The following LCT variants were observed in gnomAD, a reference collection of about 807,000 sequenced individuals.
LCT encodes lactase, also known as lactase/phlorizin hydrolase.
LCT carries 90 observed loss-of-function variants against 173.0 expected under a neutral mutation model. The ratio of observed to expected loss-of-function variants is 0.52; its 90% CI spans 0.44 to 0.62. LCT has a LOEUF of 0.62. Among genes scored for constraint, LCT ranks in the 20% least tolerant of loss-of-function variants. LCT has a pLI of 0.00. For missense variants in LCT, 1,864 were observed against 2,431.4 expected (o/e 0.77, Z 4.91); for synonymous variants, 853 against 957.6 (o/e 0.89, Z 2.02).
At chr2:135,823,832 C>T (rs765916078) in intron 4 of LCT, 69 bp downstream of exon 4, 1 of 1,091,286 alleles carries the variant, frequency 9.2e-7, no homozygotes, top group Non-Finnish European at 1.4e-6. Flanking sequence ...CCCGGACTTT[C>T]AAGACTGCTA....
Position 135,807,315 on chromosome 2 carries a change from G to A in LCT, c.3986C>T (p.Thr1329Met), listed in dbSNP as rs555708380. Residue 1329 changes from threonine (T) to methionine (M), a missense_variant, in exon 9 of 17, where the codon ACG becomes ATG. Thr to Met is a moderately conservative substitution (Grantham distance 81, BLOSUM62 -1). Around this residue, in one of 4 missense-constraint regions of LCT, gnomAD observed 755 missense variants for 926.3 expected, o/e 0.82. Coordinates refer to ENST00000264162, the MANE Select transcript of LCT (RefSeq NM_002299.4). ...MDNFEWLNGY[T>M]VKFGLYHVDF... ...AACATGGTACAGTCCAAACTTGACC[G>A]TGTAGCCATTTAGCCACTCAAAGTT... is the stretch of plus-strand genomic sequence containing the variant. 3.3e-5 allele frequency: 54 copies of A among 1,614,114 alleles called. No individual in the cohort carries two copies. Among genetic ancestry groups the A allele is most frequent in the South Asian group, 1.2e-4 (11 of 91,082 alleles).
At position 135,808,649 on chromosome 2, in the gene LCT, G is replaced by T. The variant is rs199604102; in HGVS notation, c.3698C>A (p.Ala1233Asp). 3 of 1,614,212 alleles carry T rather than the reference G, an allele frequency of 1.9e-6. No individual in the cohort carries two copies. Residue 1233 changes from alanine to aspartate, a missense_variant, in exon 8 of 17, where the codon GCT becomes GAT. Around this residue, in one of 4 missense-constraint regions of LCT, gnomAD observed 755 missense variants for 926.3 expected, o/e 0.82. Transcript: ENST00000264162. ...AGGCCACGAAGGGTCCTCCTCCTCA[G>T]CCATCTCCTGGTCGTCTTCGTAGGA... ...PPSYEDDQEMAEEEDPSWPST... is the reference protein window; with the variant it reads ...PPSYEDDQEMDEEEDPSWPST...
intron 1 of LCT, among the ~76,000 whole-genome samples, chr2:135,833,441 C>CTTTTT (rs35636116): frequency 5.6e-5 from 3 of 53,936 alleles, no homozygotes; most frequent in African/African-American, 1.6e-4. Context: ...TCCTAAACTT[C>CTTTTT]TTTTTTTTTT....
chr2:135,805,255 T>C (rs988440714), intron 9 of LCT, among the ~76,000 whole-genome samples, 198 bp from the exon 10 acceptor site: 3 of 151,286 alleles, frequency 2.0e-5, no homozygotes, highest in Non-Finnish European at 4.4e-5. Flanking sequence ...AGCCCAGGAG[T>C]TCAAAACCAG....
At chr2:135,810,163 A>G in intron 7 of LCT, 170 bp from the exon 8 acceptor site, 1 of 610,170 alleles carries the variant, frequency 1.6e-6, no homozygotes, top group Non-Finnish European at 2.9e-6. Context: ...TTATTTATTT[A>G]TCTTTTAAAG....
At chr2:135,835,527 TA>T (rs2077981059) in intron 1 of LCT, among the ~76,000 whole-genome samples, 2 of 132,538 alleles carry the variant, frequency 1.5e-5, no homozygotes, top group African/African-American at 5.9e-5. Flanking sequence ...TATATATATA[TA>T]TATCAGGTAC....
intron 5 of LCT, chr2:135,821,665 T>C: frequency 7.0e-6 from 2 of 285,486 alleles, no homozygotes; most frequent in South Asian, 3.9e-5. Context: ...ATTTTTGTAA[T>C]TTTTTGTAGA....
chr2:135,835,389 T>A (rs1404318261), intron 1 of LCT, among the ~76,000 whole-genome samples: 1 of 150,050 alleles, frequency 6.7e-6, no homozygotes, highest in African/African-American at 2.4e-5. Flanking sequence ...CGTGCTGGGA[T>A]TATAGGCATG....
chr2:135,830,859 G>T (rs576405765), intron 2 of LCT, among the ~76,000 whole-genome samples: 1 of 152,318 alleles, frequency 6.6e-6, no homozygotes, highest in South Asian at 2.1e-4. Flanking sequence ...GGGGATGGTG[G>T]GTAGGGATTC....
chr2:135,789,545 T>C (rs2077518231), intron 16 of LCT, 26 bp downstream of exon 16: 1 of 1,567,746 alleles, frequency 6.4e-7, no homozygotes, highest in Admixed American at 1.7e-5. Context: ...CCTTAGGCTT[T>C]ATTCCCTCCC....
In LCT at chr2:135,804,851, T is replaced by A; in HGVS notation, c.4380A>T (p.Gly1460=). 1.2e-6 allele frequency: 2 copies of A among 1,614,042 alleles called. No homozygotes were observed. Among genetic ancestry groups the A allele is most frequent in the Non-Finnish European group, 1.7e-6 (2 of 1,179,944 alleles). ...SISWSRILPD[G]TTRYINEAGL... ...CCGCTTCATTGATGTACCTGGTGGT[T>A]CCATCAGGGAGGATGCGAGACCAGG... Residue 1460 remains glycine (G), a synonymous_variant, in exon 10 of 17, where the codon GGA becomes GGT. Coordinates refer to ENST00000264162, the MANE Select transcript of LCT (RefSeq NM_002299.4).
chr2:135,834,099 C>T (rs539350182), intron 1 of LCT, among the ~76,000 whole-genome samples: 3 of 152,300 alleles, frequency 2.0e-5, no homozygotes, highest in African/African-American at 7.2e-5. Flanking sequence ...TATGCCACGT[C>T]TCGTTTATCC....
intron 12 of LCT, among the ~76,000 whole-genome samples, chr2:135,798,693 A>T (rs1335886402): frequency 6.6e-6 from 1 of 152,184 alleles, no homozygotes; most frequent in African/African-American, 2.4e-5. Context: ...GGCCATCCTT[A>T]TCATGTGCGG....
intron 13 of LCT, among the ~76,000 whole-genome samples, chr2:135,796,234 C>G (rs1179782624): frequency 6.6e-6 from 1 of 152,224 alleles, no homozygotes; most frequent in Non-Finnish European, 1.5e-5. Flanking sequence ...CCTGCTGAGG[C>G]CTCTGACACT....
At position 135,827,052 on chromosome 2, in the gene LCT, C is replaced by A. The variant is rs564053006; in HGVS notation, c.804+2541G>T. On this transcript the variant is annotated intron_variant, in intron 3 of 16. Coordinates refer to ENST00000264162, the MANE Select transcript of LCT (RefSeq NM_002299.4). ...GGAGTGCAGTGGCGCCATCTCGGCT[C>A]ACTGCAACCTCCACCTCCCGGGTTC... is the stretch of plus-strand genomic sequence containing the variant. Among the ~76,000 whole-genome samples the A allele has an allele frequency of 5.9e-5, 9 of 152,236 alleles. No homozygotes were observed. The East Asian group carries it at 1.7e-3, about 29-fold the overall frequency.
At position 135,817,722 on chromosome 2, in the gene LCT, C is replaced by T. The variant is rs2077792297; in HGVS notation, c.1326G>A (p.Leu442=). Residue 442 remains leucine (L), a synonymous_variant, in exon 6 of 17, where the codon CTG becomes CTA. Transcript: ENST00000264162. ...ACACCTGAGCCCGGAGGCCGCAAAG[C>T]AGGGCGACGTCAGAGGCTACCTTGT... ...SYHKVASDVA[L]LCGLRAQVYK... The T allele has an allele frequency of 6.2e-7, 1 of 1,613,936 alleles. No homozygotes were observed. The highest frequency in any genetic ancestry group is 1.1e-5 in the South Asian group (1 of 91,088).
In LCT at chr2:135,804,075, C is replaced by G. The variant is rs1340483203; in HGVS notation, c.4518G>C (p.Trp1506Cys). ...ACCGCTGCACGATGGTCTCATTCTCCCAGCCTCCTACATCTTGGAGCGTCT... is the reference window on the plus strand; with the variant it reads ...ACCGCTGCACGATGGTCTCATTCTCGCAGCCTCCTACATCTTGGAGCGTCT... ...LPQTLQDVGGWENETIVQRFK... is the reference protein window; with the variant it reads ...LPQTLQDVGGCENETIVQRFK... The change falls in exon 11 of 17, where the codon TGG (tryptophan) becomes TGC (cysteine). Residue 1506 changes from tryptophan to cysteine, a missense_variant. Coordinates refer to ENST00000264162, the MANE Select transcript of LCT (RefSeq NM_002299.4). The G allele has an allele frequency of 6.2e-7, 1 of 1,614,154 alleles. No homozygotes were observed. The highest frequency in any genetic ancestry group is 8.5e-7 in the Non-Finnish European group (1 of 1,180,022).
intron 16 of LCT, among the ~76,000 whole-genome samples, chr2:135,788,918 A>G (rs1050525751): frequency 1.3e-5 from 2 of 152,190 alleles, no homozygotes; most frequent in African/African-American, 2.4e-5. Flanking sequence ...TTTATATGCA[A>G]CTTATCCACG....
At chr2:135,795,045 G>GCGCACACACACA (rs766023610) in intron 13 of LCT, among the ~76,000 whole-genome samples, 3 of 149,826 alleles carry the variant, frequency 2.0e-5, no homozygotes, top group Non-Finnish European at 4.5e-5. Flanking sequence ...GCGCGCGCGC[G>GCGCACACACACA]CACACACACA....
Sources: gnomAD v4.1 joint callset for allele counts (sites outside exome capture counted in the v4.1 genomes callset) on GRCh38, gnomAD v4.1.1 for gene constraint, gnomAD v4.1.1 regional missense constraint, MANE v1.5 for transcripts, NCBI Gene and HGNC (gene_info 2026-07-23, HGNC 2026-07-21) for gene names.